Variants in STEAP1 observed in about 807,000 individuals in gnomAD.
STEAP1 encodes STEAP1 protein.
In STEAP1, 30 loss-of-function variants were observed where a neutral mutation model predicts 34.4. The ratio of observed to expected loss-of-function variants is 0.87; its 90% CI spans 0.65 to 1.18. STEAP1 has a LOEUF of 1.18. STEAP1 is among the 50% of genes most tolerant of loss of function. The pLI, the probability that STEAP1 is intolerant of heterozygous loss-of-function variation, is 0.00. For synonymous variants in STEAP1, 116 were observed against 135.3 expected (o/e 0.86, Z 0.99); for missense variants, 318 against 391.1 (o/e 0.81, Z 1.58).
In STEAP1 at chr7:90,164,753, T is replaced by C; in HGVS notation, c.*19T>C. Reference sequence around the variant, plus strand: ...GTTGTAGAATTACTGTTTACACACATTTTTGTTCAATATTGATATATTTTA... The same window carrying C: ...GTTGTAGAATTACTGTTTACACACACTTTTGTTCAATATTGATATATTTTA... On this transcript the variant is annotated 3_prime_UTR_variant, in exon 5 of 5. Transcript: ENST00000297205. The C allele has an allele frequency of 6.3e-7, 1 of 1,582,188 alleles. No individual in the cohort carries two copies. The highest frequency in any genetic ancestry group is 2.2e-5 in the East Asian group (1 of 44,504).
intron 3 of STEAP1, 130 bp downstream of exon 3, chr7:90,161,447 A>C: frequency 8.6e-7 from 1 of 1,164,506 alleles, no homozygotes; most frequent in Non-Finnish European, 1.2e-6. Context: ...TCTATTTTAA[A>C]ATTTTTATTA....
intron 4 of STEAP1, 132 bp from the exon 5 acceptor site, chr7:90,164,345 C>CA (rs2115972476): frequency 9.1e-7 from 1 of 1,100,386 alleles, no homozygotes; most frequent in East Asian, 2.6e-5. Context: ...TGTGAATGGA[C>CA]ATTGTTGAGA....
intron 1 of STEAP1, among the ~76,000 whole-genome samples, chr7:90,156,712 C>G (rs546409750): frequency 6.6e-6 from 1 of 152,286 alleles, no homozygotes; most frequent in African/African-American, 2.4e-5. Flanking sequence ...ATCCCCCTTC[C>G]CCTACTTGGA....
intron 1 of STEAP1, among the ~76,000 whole-genome samples, chr7:90,156,221 T>C (rs773604351): frequency 1.2e-4 from 18 of 152,210 alleles, no homozygotes; most frequent in Non-Finnish European, 2.5e-4. Context: ...CATTTGATTA[T>C]AGTAGGTGAC....
At chr7:90,163,221 G>A (rs1357117907) in intron 4 of STEAP1, 1 of 184,052 alleles carries the variant, frequency 5.4e-6, no homozygotes, top group East Asian at 1.2e-4. Context: ...GTCCAGTGTG[G>A]CTTAGAGTTG....
chr7:90,163,684 A>G (rs564256224), intron 4 of STEAP1, among the ~76,000 whole-genome samples: 2 of 152,304 alleles, frequency 1.3e-5, no homozygotes, highest in African/African-American at 2.4e-5. Flanking sequence ...AGTAAAGTGA[A>G]TAGAGGTCAG....
rs777110316 is a variant in STEAP1, at chr7:90,161,200, A to G, written c.480A>G (p.Thr160=). The G allele has an allele frequency of 3.1e-6, 5 of 1,613,998 alleles. No homozygotes were observed. In the African/African-American group the frequency reaches 6.7e-5, roughly 22 times the overall value. ...ATTGGTTGGATAAGTGGATGTTAAC[A>G]AGAAAGCAGTTTGGGCTTCTCAGTT... is the stretch of plus-strand genomic sequence containing the variant. ...FPHWLDKWML[T]RKQFGLLSFF... The change falls in exon 3 of 5, where the codon ACA becomes ACG. Residue 160 remains threonine, a synonymous_variant. Coordinates refer to ENST00000297205, the MANE Select transcript of STEAP1 (RefSeq NM_012449.3).
chr7:90,155,805 C>A (rs1347334977), intron 1 of STEAP1, among the ~76,000 whole-genome samples: 1 of 152,146 alleles, frequency 6.6e-6, no homozygotes, highest in Non-Finnish European at 1.5e-5. Flanking sequence ...CTGGGTAACT[C>A]TCCAGGGCCA....
intron 1 of STEAP1, among the ~76,000 whole-genome samples, chr7:90,156,323 T>G (rs1794118507): frequency 1.3e-5 from 2 of 152,164 alleles, no homozygotes; most frequent in Admixed American, 1.3e-4. Flanking sequence ...GATCTCATGT[T>G]GAAATGTAAC....
Position 90,164,664 on chromosome 7 carries a change from T to C in STEAP1, c.950T>C (p.Ile317Thr), listed in dbSNP as rs1469947613. 3.7e-5 allele frequency: 59 copies of C among 1,613,734 alleles called. 1 individual carries two copies. The highest frequency in any genetic ancestry group is 8.3e-5 in the Admixed American group (5 of 60,014). Reference sequence around the variant, plus strand: ...TTCCTGCCATGCTTGAGGAAGAAGATACTGAAGATTAGACATGGTTGGGAA... The same window carrying C: ...TTCCTGCCATGCTTGAGGAAGAAGACACTGAAGATTAGACATGGTTGGGAA... ...ILFLPCLRKK[I>T]LKIRHGWEDV... The change falls in exon 5 of 5, where the codon ATA (isoleucine) becomes ACA (threonine). Residue 317 changes from isoleucine (I) to threonine (T), a missense_variant. Physicochemically the swap from Ile to Thr is moderately conservative, Grantham distance 89 (BLOSUM62 -1). Coordinates refer to ENST00000297205, the MANE Select transcript of STEAP1 (RefSeq NM_012449.3).
chr7:90,164,778 A>C lies in STEAP1; in HGVS notation c.*44A>C. 2 of 1,502,946 alleles carry C rather than the reference A, an allele frequency of 1.3e-6. No homozygotes were observed. Among genetic ancestry groups the C allele is most frequent in the Non-Finnish European group, 1.8e-6 (2 of 1,120,862 alleles). The allele number at this position is 1,502,946 out of a possible 1,614,324, so 93.1% of individuals were successfully genotyped here. ...TTTTTGTTCAATATTGATATATTTT[A>C]TCACCAACATTTCAAGTTTGTATTT... is the stretch of plus-strand genomic sequence containing the variant. On this transcript the variant is annotated 3_prime_UTR_variant, in exon 5 of 5. Transcript: ENST00000297205.
chr7:90,157,544 G>T (rs1794131907), intron 1 of STEAP1, among the ~76,000 whole-genome samples: 1 of 152,184 alleles, frequency 6.6e-6, no homozygotes, highest in Non-Finnish European at 1.5e-5. Flanking sequence ...CCACTTCTGT[G>T]ACCAGGGAAT....
intron 4 of STEAP1, among the ~76,000 whole-genome samples, chr7:90,163,789 C>T (rs1794215761): frequency 6.6e-6 from 1 of 152,154 alleles, no homozygotes; most frequent in South Asian, 2.1e-4. Flanking sequence ...GACAAAGCAT[C>T]CCAATGCAGG....
At chr7:90,156,184 CTT>C in intron 1 of STEAP1, among the ~76,000 whole-genome samples, 2 of 152,186 alleles carry the variant, frequency 1.3e-5, no homozygotes, top group Non-Finnish European at 2.9e-5. Flanking sequence ...GTTAAAAGAT[CTT>C]CTAAACATAG....
rs775640759 is a variant in STEAP1, at chr7:90,161,990, T to C, written c.674T>C (p.Val225Ala). 1.2e-6 allele frequency: 2 copies of C among 1,613,778 alleles called. No individual in the cohort carries two copies. Among genetic ancestry groups the C allele is most frequent in the East Asian group, 2.2e-5 (1 of 44,878 alleles). Residue 225 changes from valine to alanine, a missense_variant, in exon 4 of 5, where the codon GTG becomes GCG. Physicochemically the swap from Val to Ala is moderately conservative, Grantham distance 64. Coordinates refer to ENST00000297205, the MANE Select transcript of STEAP1 (RefSeq NM_012449.3). ...RMEIYVSLGIVGLAILALLAV... is the reference protein window; with the variant it reads ...RMEIYVSLGIAGLAILALLAV... ...GAGATTTATGTGTCTCTGGGAATTG[T>C]GGGATTGGCAATACTGGCTCTGTTG...
rs1262129211 is a variant in STEAP1, at chr7:90,164,759, T to C, written c.*25T>C. 6.4e-7 allele frequency: 1 copy of C among 1,570,992 alleles called. No homozygotes were observed. The highest frequency in any genetic ancestry group is 8.6e-7 in the Non-Finnish European group (1 of 1,159,394). ...GAATTACTGTTTACACACATTTTTG[T>C]TCAATATTGATATATTTTATCACCA... On this transcript the variant is annotated 3_prime_UTR_variant, in exon 5 of 5. Coordinates refer to ENST00000297205, the MANE Select transcript of STEAP1 (RefSeq NM_012449.3).
rs532811070 is a variant in STEAP1 at position 90,161,022 on chromosome 7, C to A, written c.302C>A (p.Ser101Tyr). The A allele has an allele frequency of 5.6e-6, 9 of 1,614,010 alleles. No homozygotes were observed. In the South Asian group the frequency reaches 9.9e-5, roughly 18 times the overall value. Residue 101 changes from serine (S) to tyrosine (Y), a missense_variant, in exon 3 of 5, where the codon TCC becomes TAC. By Grantham distance (144) the Ser-to-Tyr change is moderately radical (BLOSUM62 -2). Transcript: ENST00000297205. ...GAAGTAATTCACCCTTTAGCAACTT[C>A]CCATCAACAATATTTTTATAAAATT... is the stretch of plus-strand genomic sequence containing the variant. ...LREVIHPLAT[S>Y]HQQYFYKIPI...
At chr7:90,156,533 T>G (rs1448591179) in intron 1 of STEAP1, among the ~76,000 whole-genome samples, 2 of 152,200 alleles carry the variant, frequency 1.3e-5, no homozygotes, top group Non-Finnish European at 2.9e-5. Context: ...CCAGCGAGCA[T>G]TACTGCCTGA....
At chr7:90,156,336 C>T (rs1794118828) in intron 1 of STEAP1, among the ~76,000 whole-genome samples, 1 of 152,146 alleles carries the variant, frequency 6.6e-6, no homozygotes, top group Non-Finnish European at 1.5e-5. Context: ...AATGTAACCC[C>T]CAGTGAGGGA....
Sources: gnomAD v4.1 joint callset for allele counts (sites outside exome capture counted in the v4.1 genomes callset) on GRCh38, gnomAD v4.1.1 for gene constraint, MANE v1.5 for transcripts, NCBI Gene and HGNC (gene_info 2026-07-23, HGNC 2026-07-21) for gene names.